Variants in FANCC observed in about 807,000 individuals in gnomAD.
FANCC encodes the protein Fanconi anemia group C protein.
Under a neutral mutation model 71.3 loss-of-function variants are expected in FANCC, and 55 were observed. The ratio of observed to expected loss-of-function variants is 0.77; its 90% confidence interval spans 0.62 to 0.97. The LOEUF (loss-of-function observed/expected upper bound fraction) is 0.97, where lower values mean the gene tolerates loss of function less well. Ranked by LOEUF, FANCC falls within the 50% of genes least tolerant of loss-of-function variation. FANCC has a pLI of 0.00. For synonymous variants in FANCC, 275 were observed against 244.9 expected (o/e 1.12, Z -1.15); for missense variants, 678 against 670.9 (o/e 1.01, Z -0.12).
At chr9:95,166,351 T>C (rs1831067460) in intron 6 of FANCC, among the ~76,000 whole-genome samples, 1 of 152,100 alleles carries the variant, frequency 6.6e-6, no homozygotes, top group South Asian at 2.1e-4. Flanking sequence ...CATAGTGACA[T>C]GCTTTCCTTC....
chr9:95,317,317 C>T (rs945769486), intron 1 of FANCC: 2 of 144,072 alleles, frequency 1.4e-5, no homozygotes, highest in Non-Finnish European at 3.1e-5. Context: ...CCTTCCGCCT[C>T]CCGCCTCCCG....
intron 4 of FANCC, among the ~76,000 whole-genome samples, chr9:95,239,868 T>C (rs577881816): frequency 6.6e-6 from 1 of 152,348 alleles, no homozygotes; most frequent in Admixed American, 6.5e-5. Flanking sequence ...TCTGGTTGGA[T>C]GATTTCATAA....
At chr9:95,103,389 C>T (rs889177569) in intron 14 of FANCC, among the ~76,000 whole-genome samples, 4 of 152,188 alleles carry the variant, frequency 2.6e-5, no homozygotes, top group African/African-American at 7.2e-5. Flanking sequence ...TTGAGTTCAA[C>T]GACTACAGAA....
At chr9:95,199,605 G>A (rs1404829263) in intron 4 of FANCC, among the ~76,000 whole-genome samples, 2 of 152,144 alleles carry the variant, frequency 1.3e-5, no homozygotes, top group East Asian at 3.9e-4. Flanking sequence ...ACCACTGTGT[G>A]CCCAGCACAG....
At chr9:95,210,947 T>G (rs770554523) in intron 4 of FANCC, among the ~76,000 whole-genome samples, 3 of 152,194 alleles carry the variant, frequency 2.0e-5, no homozygotes, top group Non-Finnish European at 4.4e-5. Flanking sequence ...AAGTAGCATA[T>G]TAATATATAT....
intron 1 of FANCC, among the ~76,000 whole-genome samples, chr9:95,297,230 G>A (rs767387810): frequency 6.6e-6 from 1 of 151,348 alleles, no homozygotes; most frequent in African/African-American, 2.4e-5. Flanking sequence ...GCCCAAATCA[G>A]GGATGCCTCC....
chr9:95,106,509 C>T (rs2071455405), intron 14 of FANCC, among the ~76,000 whole-genome samples: 1 of 152,192 alleles, frequency 6.6e-6, no homozygotes, highest in South Asian at 2.1e-4. Flanking sequence ...ATTGCTGTGC[C>T]TTTGGTATCA....
chr9:95,142,784 G>A, intron 7 of FANCC, among the ~76,000 whole-genome samples: 1 of 152,126 alleles, frequency 6.6e-6, no homozygotes, highest in East Asian at 1.9e-4. Context: ...TGTTAGAGTG[G>A]TCAGAGACTC....
At chr9:95,121,642 G>A (rs1222664339) in intron 10 of FANCC, among the ~76,000 whole-genome samples, 1 of 152,190 alleles carries the variant, frequency 6.6e-6, no homozygotes, top group Non-Finnish European at 1.5e-5. Context: ...AATGGACTAT[G>A]CATAACAGTA....
rs976861230 is a variant in FANCC at position 95,101,615 on chromosome 9, T to G, written c.*92A>C. ...CTCACAGCCCAGCGAGGGCACTTACTCCACAAATGCGTGGCCACAGGTCAT... is the reference window on the plus strand; with the variant it reads ...CTCACAGCCCAGCGAGGGCACTTACGCCACAAATGCGTGGCCACAGGTCAT... On this transcript the variant is annotated 3_prime_UTR_variant, in exon 15 of 15. Transcript: ENST00000289081. 3.4e-5 allele frequency: 52 copies of G among 1,522,116 alleles called. No homozygotes were observed. The Admixed American group carries it at 9.0e-4, about 26-fold the overall frequency. 94.3% of individuals were successfully genotyped at this position (1,522,116 alleles called of 1,614,324 possible). A position where few individuals can be genotyped will look rare whatever the true frequency, so the allele number is the denominator to read the frequency against.
At chr9:95,210,727 A>C (rs886621537) in intron 4 of FANCC, among the ~76,000 whole-genome samples, 2 of 152,160 alleles carry the variant, frequency 1.3e-5, no homozygotes, top group African/African-American at 4.8e-5. Context: ...GCCATTCCAA[A>C]ATTCAGTCTC....
chr9:95,155,368 A>T (rs1175415537), intron 6 of FANCC, among the ~76,000 whole-genome samples: 5 of 82,174 alleles, frequency 6.1e-5, no homozygotes, highest in Non-Finnish European at 1.2e-4. Flanking sequence ...GGAGGGAGGG[A>T]GGGAGGAAAA....
At chr9:95,293,083 C>A in intron 1 of FANCC, 1 of 1,611,026 alleles carries the variant, frequency 6.2e-7, no homozygotes, top group Non-Finnish European at 8.5e-7. Flanking sequence ...TAACAACCAA[C>A]CAATCCCTAG....
intron 1 of FANCC, among the ~76,000 whole-genome samples, chr9:95,314,332 C>T (rs943862000): frequency 1.3e-5 from 2 of 152,170 alleles, no homozygotes; most frequent in Non-Finnish European, 2.9e-5. Flanking sequence ...TGTGGAGTAG[C>T]CATTCTTTAT....
chr9:95,314,739 CAAAAAT>C (rs1835638848), intron 1 of FANCC, among the ~76,000 whole-genome samples: 1 of 151,750 alleles, frequency 6.6e-6, no homozygotes, highest in African/African-American at 2.4e-5. Flanking sequence ...ACAATACCAT[CAAAAAT>C]AAAACTTCAA....
At position 95,139,569 on chromosome 9, in the gene FANCC, A is replaced by G. The variant is rs141400286; in HGVS notation, c.687-4067T>C. On this transcript the variant is annotated intron_variant, in intron 7 of 14. Coordinates refer to ENST00000289081, the MANE Select transcript of FANCC (RefSeq NM_000136.3). ...GCCTCGTGCCACGGAGTATGCCCCT[A>G]TTTCAAATGAGCTGGATCTGTGTCC... Among the ~76,000 whole-genome samples the G allele has an allele frequency of 9.9e-5, 15 of 152,078 alleles. No individual in the cohort carries two copies. The East Asian group carries it at 2.9e-3, about 29-fold the overall frequency.
chr9:95,283,979 T>C (rs1833524030), intron 1 of FANCC, among the ~76,000 whole-genome samples: 1 of 152,230 alleles, frequency 6.6e-6, no homozygotes, highest in Non-Finnish European at 1.5e-5. Context: ...CCTAGTAGGG[T>C]TGCTGTGAAT....
intron 8 of FANCC, among the ~76,000 whole-genome samples, chr9:95,132,666 A>T (rs896143080): frequency 6.6e-6 from 1 of 152,178 alleles, no homozygotes; most frequent in Non-Finnish European, 1.5e-5. Flanking sequence ...GGGTTTTGAA[A>T]ACTTTTCTTT....
At chr9:95,291,270 G>A (rs1033625309) in intron 1 of FANCC, among the ~76,000 whole-genome samples, 2 of 152,264 alleles carry the variant, frequency 1.3e-5, no homozygotes, top group Middle Eastern at 3.4e-3. Context: ...AAACTGGAAA[G>A]GAGGAAGTTA....
Sources: allele counts gnomAD v4.1 joint callset (sites outside exome capture counted in the v4.1 genomes callset), GRCh38; gene constraint gnomAD v4.1.1; transcripts MANE v1.5; gene names NCBI Gene and HGNC (gene_info 2026-07-23, HGNC 2026-07-21).